CTNNA3: variants seen among roughly 807,000 people sequenced by gnomAD.
The protein encoded by CTNNA3 is catenin alpha 3.
A neutral mutation model predicts 95.7 loss-of-function variants in CTNNA3; 76 were observed. That is an observed-to-expected ratio of 0.79 (90% CI 0.66 to 0.96). The LOEUF (loss-of-function observed/expected upper bound fraction) is 0.96, where lower values mean the gene tolerates loss of function less well. CTNNA3 is among the 40% of genes least tolerant of loss of function. The pLI is 0.00. For synonymous variants in CTNNA3, 431 were observed against 374.4 expected (o/e 1.15, Z -1.74); for missense variants, 1,191 against 1,089.8 (o/e 1.09, Z -1.31).
chr10:66,480,133 A>T (rs1420186889), intron 11 of CTNNA3, among the ~76,000 whole-genome samples: 7 of 152,174 alleles, frequency 4.6e-5, no homozygotes, highest in African/African-American at 1.7e-4. Flanking sequence ...GACAGTTTTC[A>T]TTTCCAAAGC....
intron 15 of CTNNA3, among the ~76,000 whole-genome samples, chr10:65,998,057 T>C (rs1589230867): frequency 6.6e-6 from 1 of 152,276 alleles, no homozygotes; most frequent in East Asian, 1.9e-4. Context: ...TTGAGTATAA[T>C]ATAAAGCTGG....
At chr10:66,522,781 A>C (rs567339606) in intron 10 of CTNNA3, among the ~76,000 whole-genome samples, 16 of 151,848 alleles carry the variant, frequency 1.1e-4, no homozygotes, top group Non-Finnish European at 2.2e-4. Flanking sequence ...ACGTTATCAC[A>C]AGTTAGCACA....
At chr10:67,678,673 G>A (rs1840575056) in intron 1 of CTNNA3, among the ~76,000 whole-genome samples, 1 of 152,098 alleles carries the variant, frequency 6.6e-6, no homozygotes, top group South Asian at 2.1e-4. Context: ...ATGTCCCAGA[G>A]CCACAGACTT....
At chr10:67,052,268 T>C (rs1855146668) in intron 7 of CTNNA3, among the ~76,000 whole-genome samples, 1 of 151,276 alleles carries the variant, frequency 6.6e-6, no homozygotes, top group South Asian at 2.1e-4. Flanking sequence ...TCAGTACAGA[T>C]GATCAAGGTG....
intron 15 of CTNNA3, among the ~76,000 whole-genome samples, chr10:66,068,690 T>A (rs974026403): frequency 6.6e-6 from 1 of 152,134 alleles, no homozygotes; most frequent in African/African-American, 2.4e-5. Flanking sequence ...ACTGAATTAT[T>A]TTAGTTGTTA....
intron 12 of CTNNA3, among the ~76,000 whole-genome samples, chr10:66,368,857 G>A (rs1197428947): frequency 6.6e-6 from 1 of 152,004 alleles, no homozygotes; most frequent in East Asian, 1.9e-4. Context: ...ATGTGGTAAG[G>A]GAATTTGTAT....
chr10:66,268,409 A>G (rs761571450), intron 13 of CTNNA3, among the ~76,000 whole-genome samples: 5 of 152,158 alleles, frequency 3.3e-5, no homozygotes, highest in Non-Finnish European at 7.4e-5. Flanking sequence ...GTCACACAAA[A>G]AGCCCGACTA....
intron 12 of CTNNA3, among the ~76,000 whole-genome samples, chr10:66,316,658 C>T (rs1312720406): frequency 6.6e-6 from 1 of 152,018 alleles, no homozygotes; most frequent in Non-Finnish European, 1.5e-5. Flanking sequence ...CCCCTATAGA[C>T]ACCAGAGAAT....
intron 6 of CTNNA3, among the ~76,000 whole-genome samples, chr10:67,188,068 C>T (rs1202503220): frequency 2.0e-5 from 3 of 152,196 alleles, no homozygotes; most frequent in Non-Finnish European, 4.4e-5. Flanking sequence ...CAGAACTTAA[C>T]ACTATTAACC....
rs976426324 is a variant in CTNNA3 at position 67,512,028 on chromosome 10, G to C, written c.579+9814C>G. Among the ~76,000 whole-genome samples the C allele has an allele frequency of 3.3e-5, 5 of 152,206 alleles. No individual in the cohort carries two copies. The South Asian group carries it at 6.2e-4, about 19-fold the overall frequency. On this transcript the variant is annotated intron_variant, in intron 5 of 17. Coordinates refer to ENST00000433211, the MANE Select transcript of CTNNA3 (RefSeq NM_013266.4). ...CTGATGGTAGTTTTTATTTCTGTGG[G>C]ATCAGTGGTGATATCCCCTTTATCA...
intron 7 of CTNNA3, among the ~76,000 whole-genome samples, chr10:66,862,368 T>C (rs4600112): frequency 0.87 from 132,068 of 151,912 alleles, 57,850 homozygotes; most frequent in African/African-American, 0.96. Flanking sequence ...AACTTATCAG[T>C]GATGTTAAGT....
intron 7 of CTNNA3, among the ~76,000 whole-genome samples, chr10:66,920,430 C>G (rs1179753147): frequency 6.6e-6 from 1 of 152,178 alleles, no homozygotes; most frequent in Non-Finnish European, 1.5e-5. Flanking sequence ...TTTATGCAAT[C>G]TCGCATTTAG....
intron 17 of CTNNA3, among the ~76,000 whole-genome samples, chr10:65,946,169 G>T (rs1032222357): frequency 6.6e-6 from 1 of 151,996 alleles, no homozygotes; most frequent in Non-Finnish European, 1.5e-5. Context: ...ATTCCATGGA[G>T]GATTTTTTGG....
intron 9 of CTNNA3, among the ~76,000 whole-genome samples, chr10:66,669,269 C>T (rs142327227): frequency 0.012 from 1,879 of 152,014 alleles, 25 homozygotes; most frequent in Non-Finnish European, 0.019. Context: ...GTTGCCCGAG[C>T]GTGGTGGCTC....
At chr10:66,037,704 C>A (rs2079596290) in intron 15 of CTNNA3, among the ~76,000 whole-genome samples, 1 of 152,164 alleles carries the variant, frequency 6.6e-6, no homozygotes, top group Non-Finnish European at 1.5e-5. Flanking sequence ...GGTGAAGTAT[C>A]CTGCCTTGCC....
At chr10:66,912,463 C>T (rs187803650) in intron 7 of CTNNA3, among the ~76,000 whole-genome samples, 14 of 151,784 alleles carry the variant, frequency 9.2e-5, no homozygotes, top group Admixed American at 9.2e-4. Flanking sequence ...ATTAAAAGTT[C>T]TTTTTTTTAG....
At chr10:65,922,684 T>C (rs2077107142) in intron 17 of CTNNA3, among the ~76,000 whole-genome samples, 1 of 152,194 alleles carries the variant, frequency 6.6e-6, no homozygotes, top group South Asian at 2.1e-4. Context: ...AGTCAATTTG[T>C]TTGCTTGGTT....
intron 7 of CTNNA3, among the ~76,000 whole-genome samples, chr10:67,079,739 T>C (rs1411515925): frequency 6.6e-6 from 1 of 151,772 alleles, no homozygotes; most frequent in Non-Finnish European, 1.5e-5. Context: ...TCCCAGCTGC[T>C]CAGGAGGCTG....
chr10:66,796,617 A>C (rs2132220439), intron 7 of CTNNA3, among the ~76,000 whole-genome samples: 1 of 152,208 alleles, frequency 6.6e-6, no homozygotes, highest in East Asian at 1.9e-4. Context: ...ATTTCCACAA[A>C]CCTTCGATTT....
Sources: gnomAD v4.1 joint callset for allele counts (sites outside exome capture counted in the v4.1 genomes callset) on GRCh38, gnomAD v4.1.1 for gene constraint, MANE v1.5 for transcripts, NCBI Gene and HGNC (gene_info 2026-07-23, HGNC 2026-07-21) for gene names.